Variants in ZNF385D observed in about 807,000 individuals in gnomAD.
ZNF385D encodes the protein zinc finger protein 659.
ZNF385D carries 15 observed loss-of-function variants against 35.8 expected under a neutral mutation model. The observed-to-expected ratio is 0.42, with a 90% CI of 0.28 to 0.64. The LOEUF is 0.64. ZNF385D is among the 30% of genes least tolerant of loss of function. The pLI, the probability that ZNF385D is intolerant of heterozygous loss-of-function variation, is 0.23. For synonymous variants in ZNF385D, 212 were observed against 186.8 expected, an observed-to-expected ratio of 1.13 and a Z score of -1.10; for missense variants, 474 against 494.6, an observed-to-expected ratio of 0.96 and a Z score of 0.39.
chr3:21,992,059 TAGTTG>T (rs1484223568), intron 3 of ZNF385D, among the ~76,000 whole-genome samples: 6 of 152,202 alleles, frequency 3.9e-5, no homozygotes, highest in African/African-American at 1.4e-4. Context: ...CTGCCTTATG[TAGTTG>T]CTGTGAGAAT....
chr3:21,544,766 TA>T (rs1480582047), intron 3 of ZNF385D, among the ~76,000 whole-genome samples: 3 of 152,188 alleles, frequency 2.0e-5, no homozygotes, highest in Non-Finnish European at 4.4e-5. Context: ...GCAAAATAAA[TA>T]ACTTTTTGGC....
At chr3:22,149,078 G>A (rs1396158159) in intron 3 of ZNF385D, among the ~76,000 whole-genome samples, 1 of 152,120 alleles carries the variant, frequency 6.6e-6, no homozygotes, top group Non-Finnish European at 1.5e-5. Flanking sequence ...AGCAGCCGCA[G>A]CATCAACTAA....
intron 2 of ZNF385D, among the ~76,000 whole-genome samples, chr3:22,185,674 G>T (rs560656900): frequency 1.3e-5 from 2 of 152,116 alleles, no homozygotes; most frequent in Non-Finnish European, 2.9e-5. Flanking sequence ...CACCATCTTG[G>T]CCAGGCTGGT....
chr3:21,444,492 C>A (rs1047687171), intron 4 of ZNF385D, among the ~76,000 whole-genome samples: 3 of 149,688 alleles, frequency 2.0e-5, no homozygotes, highest in Non-Finnish European at 4.4e-5. Flanking sequence ...TCAAGCAATT[C>A]TCCTGCCTCA....
intron 3 of ZNF385D, among the ~76,000 whole-genome samples, chr3:21,929,565 C>A (rs1700902529): frequency 6.6e-6 from 1 of 151,662 alleles, no homozygotes; most frequent in African/African-American, 2.4e-5. Context: ...TCTAAAGAAC[C>A]CACAAAAATG....
intron 5 of ZNF385D, among the ~76,000 whole-genome samples, chr3:21,434,626 A>T (rs1408697935): frequency 1.3e-5 from 2 of 152,142 alleles, no homozygotes; most frequent in African/African-American, 4.8e-5. Flanking sequence ...CTGGATCTGA[A>T]GATCAAAAAT....
intron 3 of ZNF385D, among the ~76,000 whole-genome samples, chr3:22,031,283 T>A (rs151189095): frequency 6.6e-6 from 1 of 152,234 alleles, no homozygotes; most frequent in Non-Finnish European, 1.5e-5. Flanking sequence ...CAAGCCCACA[T>A]TTCCCTTGCA....
intron 2 of ZNF385D, among the ~76,000 whole-genome samples, chr3:22,277,854 T>C (rs771128669): frequency 6.6e-6 from 1 of 152,042 alleles, no homozygotes; most frequent in Admixed American, 6.6e-5. Context: ...ATTTAAGGCA[T>C]GTGGGAAGGC....
At chr3:22,211,341 T>C (rs1049822465) in intron 2 of ZNF385D, among the ~76,000 whole-genome samples, 4 of 151,952 alleles carry the variant, frequency 2.6e-5, no homozygotes, top group Non-Finnish European at 2.9e-5. Context: ...ACTTTTCTCA[T>C]CCTAGTCTCC....
At chr3:22,152,596 G>A (rs557194806) in intron 3 of ZNF385D, among the ~76,000 whole-genome samples, 7 of 152,154 alleles carry the variant, frequency 4.6e-5, no homozygotes, top group South Asian at 4.2e-4. Flanking sequence ...TAAGTGCGTC[G>A]TCACTCTAAC....
intron 2 of ZNF385D, among the ~76,000 whole-genome samples, chr3:22,260,965 T>C (rs1285546404): frequency 6.6e-6 from 1 of 152,056 alleles, no homozygotes; most frequent in African/African-American, 2.4e-5. Flanking sequence ...TATCACGGAA[T>C]TCTTCAGAAA....
intron 3 of ZNF385D, among the ~76,000 whole-genome samples, chr3:21,757,280 C>T (rs1290825700): frequency 1.3e-5 from 2 of 151,920 alleles, no homozygotes; most frequent in Non-Finnish European, 2.9e-5. Flanking sequence ...TCAGCTGGGA[C>T]TACAGGAGCA....
intron 4 of ZNF385D, among the ~76,000 whole-genome samples, chr3:21,444,510 GAGT>G (rs1382414582): frequency 1.3e-5 from 2 of 150,496 alleles, no homozygotes; most frequent in Non-Finnish European, 3.0e-5. Context: ...TCAGCCTCCT[GAGT>G]AGCTGGGATT....
chr3:22,148,811 T>C lies in ZNF385D; in HGVS notation c.325+20006A>G, dbSNP rs78723331. Among the ~76,000 whole-genome samples, 28 of 152,306 alleles carry C rather than the reference T, an allele frequency of 1.8e-4. No homozygotes were observed. The East Asian group carries it at 5.0e-3, about 27-fold the overall frequency. On this transcript the variant is annotated intron_variant, in intron 3 of 5. Coordinates refer to the ZNF385D transcript ENST00000494108. ...CCTTAAAACTTTAAGAATTTATGAC[T>C]GCTTTTCAAACTATTCTGTCTGAGA...
chr3:21,594,017 C>G (rs767986386), intron 2 of ZNF385D, among the ~76,000 whole-genome samples: 13 of 152,080 alleles, frequency 8.5e-5, no homozygotes, highest in Admixed American at 8.5e-4. Context: ...GTTTAACTAC[C>G]AGCAGACAGT....
At chr3:21,429,117 G>C (rs188911931) in intron 5 of ZNF385D, among the ~76,000 whole-genome samples, 1 of 150,796 alleles carries the variant, frequency 6.6e-6, no homozygotes, top group Admixed American at 6.6e-5. Flanking sequence ...AGGAAAGATA[G>C]GTAAACAAGA....
intron 3 of ZNF385D, among the ~76,000 whole-genome samples, chr3:21,963,578 G>A (rs956052706): frequency 6.6e-6 from 1 of 152,098 alleles, no homozygotes; most frequent in Non-Finnish European, 1.5e-5. Flanking sequence ...AATTCCACTT[G>A]TAAGAACAAG....
chr3:21,634,359 AAAAAG>A (rs1559476792), intron 2 of ZNF385D, among the ~76,000 whole-genome samples: 1 of 151,042 alleles, frequency 6.6e-6, no homozygotes, highest in African/African-American at 2.4e-5. Flanking sequence ...AAGAAAAGAA[AAAAAG>A]AAAGGAAGGA....
intron 7 of ZNF385D, among the ~76,000 whole-genome samples, chr3:21,422,523 G>C (rs1046946171): frequency 4.6e-5 from 7 of 151,972 alleles, no homozygotes; most frequent in African/African-American, 1.7e-4. Flanking sequence ...ACCAAAACCT[G>C]GCAGAGACAA....
Sources: gnomAD v4.1 joint callset for allele counts (sites outside exome capture counted in the v4.1 genomes callset) on GRCh38, gnomAD v4.1.1 for gene constraint, MANE v1.5 for transcripts, NCBI Gene and HGNC (gene_info 2026-07-23, HGNC 2026-07-21) for gene names.